POU3F3: variants seen among roughly 807,000 people sequenced by gnomAD.
The protein encoded by POU3F3 is POU domain, class 3, transcription factor 3.
POU3F3 carries 1 observed loss-of-function variant against 8.6 expected under a neutral mutation model. The observed-to-expected ratio is 0.12, with a 90% confidence interval of 0.04 to 0.55. The LOEUF (loss-of-function observed/expected upper bound fraction) is 0.55. Among genes scored for constraint, POU3F3 ranks in the 20% least tolerant of loss-of-function variants. POU3F3 has a pLI of 0.91. For missense variants in POU3F3, 577 were observed against 690.7 expected (o/e 0.84, Z 1.84); for synonymous variants, 418 against 327.4 (o/e 1.28, Z -2.99).
the POU3F3 span, among the ~76,000 whole-genome samples, chr2:104,900,338 T>C: frequency 6.6e-6 from 1 of 152,190 alleles, no homozygotes; most frequent in Middle Eastern, 3.4e-3. Flanking sequence ...CATAGAAAAA[T>C]ATGGAATGGT....
chr2:104,883,317 C>T, the POU3F3 span, among the ~76,000 whole-genome samples: 1 of 152,222 alleles, frequency 6.6e-6, no homozygotes, highest in Non-Finnish European at 1.5e-5. Flanking sequence ...GACCTTGGGG[C>T]TCCATGAAAC....
chr2:104,897,001 G>A, the POU3F3 span, among the ~76,000 whole-genome samples: 3 of 152,180 alleles, frequency 2.0e-5, no homozygotes, highest in African/African-American at 7.2e-5. Context: ...GCACCTTTGA[G>A]TCCTTGTCCT....
the POU3F3 span, among the ~76,000 whole-genome samples, chr2:104,901,476 A>G: frequency 6.9e-4 from 105 of 152,326 alleles, 1 homozygote; most frequent in Middle Eastern, 0.01. Flanking sequence ...CTGCCAACAG[A>G]GGTCACCTAT....
the POU3F3 span, among the ~76,000 whole-genome samples, chr2:104,904,344 T>C: frequency 2.0e-5 from 3 of 152,078 alleles, no homozygotes; most frequent in Non-Finnish European, 4.4e-5. Flanking sequence ...CTATCATATG[T>C]CACCAACAGG....
At chr2:104,863,158 C>G (rs1378253622), downstream of POU3F3, among the ~76,000 whole-genome samples, 1 of 119,178 alleles carries the variant, frequency 8.4e-6, no homozygotes, top group African/African-American at 3.2e-5. Context: ...CTCATAATAA[C>G]AATTATTATT....
chr2:104,892,296 C>T, the POU3F3 span, among the ~76,000 whole-genome samples: 2 of 152,266 alleles, frequency 1.3e-5, no homozygotes, highest in South Asian at 4.2e-4. Context: ...ACAAGGACAG[C>T]CAACTGCATT....
chr2:104,888,433 A>G, the POU3F3 span, among the ~76,000 whole-genome samples: 7 of 152,178 alleles, frequency 4.6e-5, no homozygotes, highest in Non-Finnish European at 7.3e-5. Flanking sequence ...CTCGTTCTTC[A>G]TTCTGCCATG....
chr2:104,869,638 C>T, the POU3F3 span, among the ~76,000 whole-genome samples: 1 of 152,164 alleles, frequency 6.6e-6, no homozygotes, highest in African/African-American at 2.4e-5. Context: ...TCAATAAACC[C>T]AGAGCCAGCA....
the POU3F3 span, among the ~76,000 whole-genome samples, chr2:104,915,013 G>A: frequency 5.9e-5 from 9 of 152,214 alleles, no homozygotes; most frequent in Non-Finnish European, 1.2e-4. Context: ...ATAGGCAGCA[G>A]CAGACACAGC....
the POU3F3 span, among the ~76,000 whole-genome samples, chr2:104,864,441 C>T: frequency 6.6e-6 from 1 of 152,186 alleles, no homozygotes; most frequent in Non-Finnish European, 1.5e-5. Flanking sequence ...CTCCATGTAA[C>T]CCGATTTCTT....
the POU3F3 span, among the ~76,000 whole-genome samples, chr2:104,917,814 G>T: frequency 6.6e-6 from 1 of 152,146 alleles, no homozygotes; most frequent in Non-Finnish European, 1.5e-5. Context: ...CTGGGGGGTT[G>T]CCCTTTTCCT....
chr2:104,911,994 A>G, the POU3F3 span, among the ~76,000 whole-genome samples: 1 of 152,232 alleles, frequency 6.6e-6, no homozygotes, highest in Non-Finnish European at 1.5e-5. Flanking sequence ...TATCAATAAA[A>G]GTGTACCTCT....
At chr2:104,885,915 G>GC in the POU3F3 span, among the ~76,000 whole-genome samples, 24 of 152,068 alleles carry the variant, frequency 1.6e-4, no homozygotes, top group Admixed American at 7.2e-4. Flanking sequence ...CTCCTGCCTG[G>GC]CCCCCAGAGT....
At chr2:104,921,584 C>T in the POU3F3 span, among the ~76,000 whole-genome samples, 16 of 152,144 alleles carry the variant, frequency 1.1e-4, no homozygotes, top group African/African-American at 3.9e-4. Context: ...GCAAAAAGGA[C>T]CCTTCTCCTC....
chr2:104,880,678 T>G, the POU3F3 span, among the ~76,000 whole-genome samples: 65 of 152,326 alleles, frequency 4.3e-4, 1 homozygote, highest in Admixed American at 1.6e-3. Flanking sequence ...ACCTCTTCAC[T>G]CCATTTTCCT....
chr2:104,896,252 G>A, the POU3F3 span, among the ~76,000 whole-genome samples: 1 of 152,182 alleles, frequency 6.6e-6, no homozygotes, highest in Non-Finnish European at 1.5e-5. Flanking sequence ...GCTGGGTAGG[G>A]GTCCCTGCAT....
chr2:104,888,621 G>C, the POU3F3 span, among the ~76,000 whole-genome samples: 3 of 152,248 alleles, frequency 2.0e-5, no homozygotes, highest in East Asian at 5.8e-4. Context: ...CCCACGAGAA[G>C]GAAGGAAATT....
chr2:104,860,550 C>T (rs1046640340), downstream of POU3F3, among the ~76,000 whole-genome samples: 2 of 152,008 alleles, frequency 1.3e-5, no homozygotes, highest in Admixed American at 6.6e-5. Context: ...CCTCCCCTTC[C>T]AACCCAAAGG....
In POU3F3 at chr2:104,856,010, G is replaced by C. The variant is rs1214766342; in HGVS notation, c.500G>C (p.Arg167Pro). 1.0e-6 allele frequency: 1 copy of C among 987,126 alleles called. No individual in the cohort carries two copies. The highest frequency in any genetic ancestry group is 1.2e-6 in the Non-Finnish European group (1 of 834,518). The allele number at this position is 987,126 out of a possible 1,614,324, so 61.1% of individuals were successfully genotyped here. Reference protein sequence around the residue: ...DLHAGTALHHRGPPHLGPPPP... With the variant: ...DLHAGTALHHPGPPHLGPPPP... ...CACGCGGGCACAGCGCTGCACCACC[G>C]CGGGCCGCCGCACCTCGGACCCCCG... The change falls in exon 1 of 1, where the codon CGC (arginine) becomes CCC (proline). Residue 167 changes from arginine to proline, a missense_variant. Arg to Pro is a moderately radical substitution (Grantham distance 103). Around this residue, in one of 7 missense-constraint regions of POU3F3, gnomAD observed 484 missense variants for 422.6 expected, o/e 1.15. Coordinates refer to ENST00000361360, the MANE Select transcript of POU3F3 (RefSeq NM_006236.3).
Sources: allele counts gnomAD v4.1 joint callset (sites outside exome capture counted in the v4.1 genomes callset), GRCh38; gene constraint gnomAD v4.1.1; regional missense constraint gnomAD v4.1.1; transcripts MANE v1.5; gene names NCBI Gene and HGNC (gene_info 2026-07-23, HGNC 2026-07-21).